SYNJ1: variants seen among roughly 807,000 people sequenced by gnomAD.
SYNJ1 encodes the protein polyphosphatidylinositol phosphatase SYNJ1.
In SYNJ1, 78 loss-of-function variants were observed where a neutral mutation model predicts 168.2. The observed-to-expected ratio is 0.46, with a 90% CI of 0.39 to 0.56. SYNJ1 has a LOEUF of 0.56. SYNJ1 is among the 20% of genes least tolerant of loss of function. SYNJ1 has a pLI of 0.00. For missense variants in SYNJ1, 1,303 were observed against 1,597.6 expected, an observed-to-expected ratio of 0.82 and a Z score of 3.14; for synonymous variants, 539 against 548.6, an observed-to-expected ratio of 0.98 and a Z score of 0.24.
rs1376267281 is a variant in SYNJ1 at position 32,727,950 on chromosome 21, T to C, written c.-27A>G. On this transcript the variant is annotated 5_prime_UTR_variant, in exon 1 of 33. Coordinates refer to ENST00000674351, the MANE Select transcript of SYNJ1 (RefSeq NM_203446.3). ...GCCCCCCGCCGGCTTGCTCACCTCT[T>C]CCTCCGGCTCCTCCTCCTCCTTCTC... 3.3e-6 allele frequency: 5 copies of C among 1,533,056 alleles called. No homozygotes were observed. Among genetic ancestry groups the C allele is most frequent in the East Asian group, 2.5e-5 (1 of 40,568 alleles). 95.0% of individuals were successfully genotyped at this position (1,533,056 alleles called of 1,614,324 possible).
At chr21:32,653,112 A>G (rs2040334098) in intron 22 of SYNJ1, among the ~76,000 whole-genome samples, 176 bp downstream of exon 22, 1 of 152,232 alleles carries the variant, frequency 6.6e-6, no homozygotes, top group Non-Finnish European at 1.5e-5. Flanking sequence ...GGCCAAAATA[A>G]GCCTAGGCTA....
At chr21:32,690,075 A>G (rs530525592) in intron 6 of SYNJ1, among the ~76,000 whole-genome samples, 25 of 152,342 alleles carry the variant, frequency 1.6e-4, no homozygotes, top group Non-Finnish European at 2.4e-4. Context: ...GCATAAGGTG[A>G]AAAAAATCCA....
At chr21:32,687,121 A>G in intron 7 of SYNJ1, 47 bp from the exon 8 acceptor site, 1 of 956,600 alleles carries the variant, frequency 1.0e-6, no homozygotes, top group Non-Finnish European at 1.5e-6. Context: ...TAAGAAGCCC[A>G]ATTTTTTCAA....
chr21:32,653,440 T>C (rs1347556973), intron 21 of SYNJ1, 74 bp from the exon 22 acceptor site: 11 of 1,194,942 alleles, frequency 9.2e-6, no homozygotes, highest in East Asian at 2.4e-5. Flanking sequence ...CCCATGATTA[T>C]TGATCATTAA....
At position 32,631,067 on chromosome 21, in the gene SYNJ1, G is replaced by C. The variant is rs747245690; in HGVS notation, c.*738C>G. On this transcript the variant is annotated 3_prime_UTR_variant, in exon 33 of 33. Transcript: ENST00000674351. ...TCGTGAAAGGATCTACTGGAGGGCTGGTGCCGGGCGGGAGCAGAGGGACAG... is the reference window on the plus strand; with the variant it reads ...TCGTGAAAGGATCTACTGGAGGGCTCGTGCCGGGCGGGAGCAGAGGGACAG... 1 of 1,614,202 alleles carries C rather than the reference G, an allele frequency of 6.2e-7. No homozygotes were observed. The highest frequency in any genetic ancestry group is 1.3e-5 in the African/African-American group (1 of 75,064).
chr21:32,722,231 T>A (rs1484080292), intron 2 of SYNJ1, among the ~76,000 whole-genome samples: 26 of 139,662 alleles, frequency 1.9e-4, no homozygotes, highest in East Asian at 1.5e-3. Flanking sequence ...TATATATATA[T>A]AATGTATGCA....
intron 2 of SYNJ1, among the ~76,000 whole-genome samples, chr21:32,719,460 T>C (rs968414653): frequency 2.0e-5 from 3 of 152,184 alleles, no homozygotes; most frequent in African/African-American, 7.2e-5. Flanking sequence ...ACGCCCGTAA[T>C]CCCAGCACTT....
At position 32,673,508 on chromosome 21, in the gene SYNJ1, T is replaced by G; in HGVS notation, c.1558A>C (p.Met520Leu). ...QSASSKVLKS[M>L]CENFYKYSKP... Reference sequence around the variant, plus strand: ...GAATATTTGTAGAAATTCTCACACATGCTCTTTAGTACTTTAGAAGATGCT... The same window carrying G: ...GAATATTTGTAGAAATTCTCACACAGGCTCTTTAGTACTTTAGAAGATGCT... The change falls in exon 14 of 33, where the codon ATG (methionine) becomes CTG (leucine). Residue 520 changes from methionine (M) to leucine (L), a missense_variant. Met to Leu is a conservative substitution (Grantham distance 15, BLOSUM62 2). Around this residue, in one of 2 missense-constraint regions of SYNJ1, gnomAD observed 920 missense variants for 1,208.8 expected, o/e 0.76. Coordinates refer to ENST00000674351, the MANE Select transcript of SYNJ1 (RefSeq NM_203446.3). 1 of 1,613,040 alleles carries G rather than the reference T, an allele frequency of 6.2e-7. No homozygotes were observed. The highest frequency in any genetic ancestry group is 8.5e-7 in the Non-Finnish European group (1 of 1,179,562).
chr21:32,633,397 T>A (rs1348128035), intron 32 of SYNJ1, among the ~76,000 whole-genome samples: 1 of 152,172 alleles, frequency 6.6e-6, no homozygotes, highest in Non-Finnish European at 1.5e-5. Context: ...GAACTATGAT[T>A]CTTGCCTCAT....
intron 15 of SYNJ1, among the ~76,000 whole-genome samples, chr21:32,669,629 C>T (rs988537498): frequency 1.3e-5 from 2 of 152,084 alleles, no homozygotes; most frequent in Non-Finnish European, 2.9e-5. Flanking sequence ...TGCAACTAAC[C>T]TTTAGGACAC....
intron 2 of SYNJ1, among the ~76,000 whole-genome samples, chr21:32,716,347 A>G (rs1297157838): frequency 6.6e-6 from 1 of 152,228 alleles, no homozygotes; most frequent in Non-Finnish European, 1.5e-5. Context: ...ACTGCTAGTC[A>G]TTATAATTAG....
In SYNJ1 at chr21:32,638,973, G is replaced by C. The variant is rs768910270; in HGVS notation, c.3850C>G (p.Pro1284Ala). The C allele has an allele frequency of 6.2e-7, 1 of 1,613,946 alleles. No homozygotes were observed. Among genetic ancestry groups the C allele is most frequent in the African/African-American group, 1.3e-5 (1 of 74,926 alleles). Residue 1284 changes from proline to alanine, a missense_variant, in exon 31 of 33, where the codon CCA (proline) becomes GCA (alanine). Pro to Ala is a conservative substitution (Grantham distance 27, BLOSUM62 -1). This residue lies in a region of SYNJ1 where 383 missense variants were observed against 388.8 expected (regional missense o/e 0.99). Transcript: ENST00000674351. Reference protein sequence around the residue: ...SGPQPNLETPPQPPPRSRSSH... With the variant: ...SGPQPNLETPAQPPPRSRSSH... ...GACCTGCTTCGAGGTGGTGGTTGTGGTGGGGTTTCCAAATTTGGCTGGGGG... is the reference window on the plus strand; with the variant it reads ...GACCTGCTTCGAGGTGGTGGTTGTGCTGGGGTTTCCAAATTTGGCTGGGGG...
chr21:32,712,267 G>T (rs918509993), intron 2 of SYNJ1, among the ~76,000 whole-genome samples: 1 of 152,122 alleles, frequency 6.6e-6, no homozygotes, highest in Admixed American at 6.5e-5. Flanking sequence ...CAGCACTTTG[G>T]TATAGAACCA....
At chr21:32,713,372 A>G (rs190906220) in intron 2 of SYNJ1, among the ~76,000 whole-genome samples, 1,336 of 128,182 alleles carry the variant, frequency 0.01, 4 homozygotes, top group Middle Eastern at 0.031. Context: ...TTTCCCATAT[A>G]TCAACATGGA....
chr21:32,727,163 A>C (rs2043495471), intron 1 of SYNJ1, among the ~76,000 whole-genome samples: 1 of 152,238 alleles, frequency 6.6e-6, no homozygotes, highest in Non-Finnish European at 1.5e-5. Context: ...ACTGTAAGTC[A>C]ATCAACGGTC....
chr21:32,709,402 G>A (rs548279553), intron 2 of SYNJ1, among the ~76,000 whole-genome samples: 2 of 149,626 alleles, frequency 1.3e-5, no homozygotes, highest in East Asian at 2.0e-4. Flanking sequence ...ACTTGAAGCC[G>A]GCAGGCGGAG....
chr21:32,646,207 C>A (rs543831210), intron 24 of SYNJ1, among the ~76,000 whole-genome samples, 186 bp downstream of exon 24: 27 of 152,308 alleles, frequency 1.8e-4, no homozygotes, highest in African/African-American at 6.3e-4. Context: ...GAACAATTGT[C>A]ATCTAGTGAC....
At chr21:32,728,034 T>G (rs1037328706), upstream of SYNJ1, 84 of 1,533,108 alleles carry the variant, frequency 5.5e-5, no homozygotes, top group Non-Finnish European at 7.1e-5. Context: ...GCCCATCTCT[T>G]CCGCATTGCG....
chr21:32,674,504 T>C (rs1480943574), intron 13 of SYNJ1, among the ~76,000 whole-genome samples: 2 of 152,246 alleles, frequency 1.3e-5, no homozygotes, highest in Non-Finnish European at 2.9e-5. Flanking sequence ...CATGTTAGTC[T>C]GTTTTCTTTA....
Sources: allele counts gnomAD v4.1 joint callset (sites outside exome capture counted in the v4.1 genomes callset), GRCh38; gene constraint gnomAD v4.1.1; regional missense constraint gnomAD v4.1.1; transcripts MANE v1.5; gene names NCBI Gene and HGNC (gene_info 2026-07-23, HGNC 2026-07-21).